The following CNTN1 variants were observed in gnomAD, a reference collection of about 807,000 sequenced individuals.
The protein encoded by CNTN1 is contactin-1.
A neutral mutation model predicts 126.4 loss-of-function variants in CNTN1; 38 were observed. The ratio of observed to expected loss-of-function variants is 0.30; its 90% CI spans 0.23 to 0.39. The LOEUF (loss-of-function observed/expected upper bound fraction) is 0.39, where lower values mean the gene tolerates loss of function less well. Among genes scored for constraint, CNTN1 ranks in the 10% least tolerant of loss-of-function variants. The pLI is 1.00. For missense variants in CNTN1, 1,009 were observed against 1,248.4 expected (o/e 0.81, Z 2.89); for synonymous variants, 413 against 422.6 (o/e 0.98, Z 0.28).
At chr12:40,796,624 T>C (rs1294053023) in intron 1 of CNTN1, among the ~76,000 whole-genome samples, 1 of 151,746 alleles carries the variant, frequency 6.6e-6, no homozygotes, top group African/African-American at 2.4e-5. Flanking sequence ...CAAGCTGGAG[T>C]GAACTAGAAT....
rs377071670 is a variant in CNTN1 at position 41,071,602 on chromosome 12, TAG to T, written c.*1570_*1571del. 1.1e-4 allele frequency: 17 copies of T among 152,322 alleles called. No individual in the cohort carries two copies. Among genetic ancestry groups the T allele is most frequent in the African/African-American group, 4.1e-4 (17 of 41,568 alleles). 9.4% of individuals were successfully genotyped at this position (152,322 alleles called of 1,614,324 possible). A position where few individuals can be genotyped will look rare whatever the true frequency, so the allele number is the denominator to read the frequency against. On this transcript the variant is annotated 3_prime_UTR_variant, in exon 24 of 24. Coordinates refer to ENST00000551295, the MANE Select transcript of CNTN1 (RefSeq NM_001843.4). ...TACTATATATCGATGTGTAAATGTT[TAG>T]AGTCTTCATTATGAAAATATCAATA...
intron 1 of CNTN1, among the ~76,000 whole-genome samples, chr12:40,790,381 T>C (rs1940174086): frequency 6.6e-6 from 1 of 152,114 alleles, no homozygotes. Flanking sequence ...CTTTATGATA[T>C]GATCACTTCA....
chr12:40,761,888 G>T (rs1418132207), intron 1 of CNTN1, among the ~76,000 whole-genome samples: 2 of 151,818 alleles, frequency 1.3e-5, no homozygotes, highest in African/African-American at 4.8e-5. Context: ...GGCAATGCAG[G>T]ATAACTGATT....
At chr12:40,939,104 G>C (rs1240762747) in intron 11 of CNTN1, among the ~76,000 whole-genome samples, 3 of 152,110 alleles carry the variant, frequency 2.0e-5, no homozygotes, top group Admixed American at 2.0e-4. Flanking sequence ...AATCAATTCA[G>C]TTATCATCAA....
At chr12:40,823,272 G>T (rs73116801) in intron 1 of CNTN1, among the ~76,000 whole-genome samples, 2,723 of 152,226 alleles carry the variant, frequency 0.018, 74 homozygotes, top group African/African-American at 0.062. Context: ...AAAAATTTGA[G>T]AAAAAACATT....
chr12:40,873,022 C>T (rs1395727122), intron 1 of CNTN1, among the ~76,000 whole-genome samples: 1 of 152,056 alleles, frequency 6.6e-6, no homozygotes. Flanking sequence ...AGGACTTAAA[C>T]CCCAGTCAGG....
At chr12:40,943,815 T>A (rs1278405454) in intron 13 of CNTN1, 91 bp downstream of exon 13, 1 of 1,515,102 alleles carries the variant, frequency 6.6e-7, no homozygotes, top group African/African-American at 1.4e-5. Flanking sequence ...ATTTGTAAGT[T>A]TCTTTTTCAA....
intron 7 of CNTN1, among the ~76,000 whole-genome samples, chr12:40,930,894 T>G (rs956859142): frequency 5.3e-5 from 8 of 152,016 alleles, no homozygotes; most frequent in Non-Finnish European, 1.2e-4. Context: ...TTTTAAGAGA[T>G]AATCTCACCC....
chr12:40,936,038 A>C (rs995114736), intron 9 of CNTN1, among the ~76,000 whole-genome samples: 1 of 152,048 alleles, frequency 6.6e-6, no homozygotes, highest in African/African-American at 2.4e-5. Context: ...ATTTATCTGC[A>C]TTTATTTGGA....
At chr12:40,814,043 GTT>G (rs1397819103) in intron 1 of CNTN1, among the ~76,000 whole-genome samples, 1 of 152,028 alleles carries the variant, frequency 6.6e-6, no homozygotes, top group Non-Finnish European at 1.5e-5. Context: ...TGATGGTGCT[GTT>G]TGTCTTTTTC....
intron 17 of CNTN1, among the ~76,000 whole-genome samples, chr12:40,998,142 A>G (rs1948267762): frequency 6.6e-6 from 1 of 152,156 alleles, no homozygotes; most frequent in South Asian, 2.1e-4. Flanking sequence ...TGCCAAATAC[A>G]TTGTGTTTTG....
At chr12:40,782,571 G>A (rs1453481348) in intron 1 of CNTN1, among the ~76,000 whole-genome samples, 1 of 151,852 alleles carries the variant, frequency 6.6e-6, no homozygotes, top group Non-Finnish European at 1.5e-5. Context: ...TACTAGATGA[G>A]GTCTGTCTAA....
At position 40,752,932 on chromosome 12, in the gene CNTN1, G is replaced by A. The variant is rs567433608; in HGVS notation, c.-77+60340G>A. ...TAAAACTGAAGTTTAAAAATATTCT[G>A]TGACTGCCCAAGCTACATGATTGGA... On this transcript the variant is annotated intron_variant, in intron 1 of 23. Coordinates refer to ENST00000551295, the MANE Select transcript of CNTN1 (RefSeq NM_001843.4). 3.3e-5 allele frequency among the ~76,000 whole-genome samples: 5 copies of A among 152,198 alleles called. No homozygotes were observed. The South Asian group carries it at 1.0e-3, about 32-fold the overall frequency.
chr12:40,955,098 G>A (rs951677174), intron 14 of CNTN1, among the ~76,000 whole-genome samples: 9 of 152,028 alleles, frequency 5.9e-5, no homozygotes, highest in Admixed American at 1.3e-4. Context: ...ACTCTTGCCC[G>A]AAATCACATG....
rs969011965 is a variant in CNTN1 at position 40,854,320 on chromosome 12, A to C, written c.-76-54037A>C. On this transcript the variant is annotated intron_variant, in intron 1 of 23. Transcript: ENST00000551295. ...AATTTAGATGAATGTGAAAAGACTGACTCTTGGTGAAAGTTTGATTTATTT... is the reference window on the plus strand; with the variant it reads ...AATTTAGATGAATGTGAAAAGACTGCCTCTTGGTGAAAGTTTGATTTATTT... Among the ~76,000 whole-genome samples the C allele has an allele frequency of 2.0e-5, 3 of 152,134 alleles. No individual in the cohort carries two copies. In the East Asian group the frequency reaches 5.8e-4, roughly 29 times the overall value.
Position 40,724,163 on chromosome 12 carries a change from C to G in CNTN1, c.-77+31571C>G, listed in dbSNP as rs537309758. 1.8e-4 allele frequency among the ~76,000 whole-genome samples: 27 copies of G among 152,188 alleles called. No homozygotes were observed. The South Asian group carries it at 5.4e-3, about 30-fold the overall frequency. ...AACATTTTTGAACCTCTAAATGTAA[C>G]ATGTACCCTAGGCACTGTGCCTTCT... On this transcript the variant is annotated intron_variant, in intron 1 of 23. Coordinates refer to ENST00000551295, the MANE Select transcript of CNTN1 (RefSeq NM_001843.4).
intron 15 of CNTN1, among the ~76,000 whole-genome samples, chr12:40,979,841 T>A (rs1239228351): frequency 6.6e-6 from 1 of 152,106 alleles, no homozygotes; most frequent in Non-Finnish European, 1.5e-5. Flanking sequence ...GAAAAAGGAA[T>A]CATATTGGTA....
Position 40,959,377 on chromosome 12 carries a change from C to T in CNTN1, c.1804+143C>T. On this transcript the variant is annotated intron_variant, in intron 15 of 23. Coordinates refer to ENST00000551295, the MANE Select transcript of CNTN1 (RefSeq NM_001843.4). ...CTTAAGAATGGATCTTAAGCTTCTT[C>T]CCATGCCTAAGAATGATCTATGCCA... The T allele has an allele frequency of 5.6e-6, 5 of 887,146 alleles. No individual in the cohort carries two copies. The South Asian group carries it at 7.2e-5, about 13-fold the overall frequency. 55.0% of individuals were successfully genotyped at this position (887,146 alleles called of 1,614,324 possible). A position where few individuals can be genotyped will look rare whatever the true frequency, so the allele number is the denominator to read the frequency against.
intron 19 of CNTN1, among the ~76,000 whole-genome samples, chr12:41,018,120 G>T (rs1265199286): frequency 2.6e-5 from 4 of 151,708 alleles, no homozygotes; most frequent in Non-Finnish European, 5.9e-5. Context: ...AATAATAATA[G>T]CTTTCTTTAT....
Sources: gnomAD v4.1 joint callset for allele counts (sites outside exome capture counted in the v4.1 genomes callset) on GRCh38, gnomAD v4.1.1 for gene constraint, MANE v1.5 for transcripts, NCBI Gene and HGNC (gene_info 2026-07-23, HGNC 2026-07-21) for gene names.